The following SKI variants were observed in gnomAD, a reference collection of about 807,000 sequenced individuals.
The protein encoded by SKI is ski oncogene.
Under a neutral mutation model 59.3 loss-of-function variants are expected in SKI, and 23 were observed. The observed-to-expected ratio is 0.39, with a 90% confidence interval of 0.28 to 0.55. The LOEUF (loss-of-function observed/expected upper bound fraction) is 0.55. Among genes scored for constraint, SKI ranks in the 20% least tolerant of loss-of-function variants. The pLI, the probability that SKI is intolerant of heterozygous loss-of-function variation, is 0.67. For synonymous variants in SKI, 673 were observed against 488.6 expected (o/e 1.38, Z -4.98); for missense variants, 1,017 against 1,038.9 (o/e 0.98, Z 0.29).
Position 2,267,767 on chromosome 1 carries a change from A to G in SKI, c.970-35211A>G, listed in dbSNP as rs1639530822. Among the ~76,000 whole-genome samples, 1 of 152,156 alleles carries G rather than the reference A, an allele frequency of 6.6e-6. No homozygotes were observed. The highest frequency in any genetic ancestry group is 2.1e-4 in the South Asian group (1 of 4,828). On this transcript the variant is annotated intron_variant, in intron 1 of 6. Coordinates refer to ENST00000378536, the MANE Select transcript of SKI (RefSeq NM_003036.4). The surrounding 1 kb of genome is among the most constrained non-coding windows in gnomAD (Gnocchi z 4.1). ...GTGAGGCTGATGCATGGGCCTTTCT[A>G]CTTCCAGACTGTCCCAGGACACGGG...
intron 1 of SKI, among the ~76,000 whole-genome samples, chr1:2,251,952 A>T (rs1373420093): frequency 6.6e-6 from 1 of 152,004 alleles, no homozygotes; most frequent in Non-Finnish European, 1.5e-5. Context: ...CCCAGCTGTC[A>T]TGTCCGTTGA....
intron 1 of SKI, among the ~76,000 whole-genome samples, chr1:2,275,351 C>T (rs994976224): frequency 8.5e-5 from 13 of 152,132 alleles, no homozygotes; most frequent in East Asian, 1.9e-4. Flanking sequence ...GTGGCTCCGC[C>T]GTCAGGGAGC....
rs1272464239 is a variant in SKI at position 2,293,922 on chromosome 1, T to C, written c.970-9056T>C. Among the ~76,000 whole-genome samples, 6 of 152,300 alleles carry C rather than the reference T, an allele frequency of 3.9e-5. No homozygotes were observed. The East Asian group carries it at 1.2e-3, about 29-fold the overall frequency. On this transcript the variant is annotated intron_variant, in intron 1 of 6. Coordinates refer to ENST00000378536, the MANE Select transcript of SKI (RefSeq NM_003036.4). ...GCAGGCGGTGGTCACCGCGCCACCA[T>C]GGGGGTCCAGGCAGCAGGATGGTCA...
At chr1:2,237,754 C>G (rs1638782990) in intron 1 of SKI, among the ~76,000 whole-genome samples, 1 of 152,262 alleles carries the variant, frequency 6.6e-6, no homozygotes, top group Non-Finnish European at 1.5e-5. Context: ...AGGCTGGGTC[C>G]TTCTTGCCCT....
chr1:2,286,794 G>A (rs989788233), intron 1 of SKI, among the ~76,000 whole-genome samples: 1 of 152,200 alleles, frequency 6.6e-6, no homozygotes, highest in Non-Finnish European at 1.5e-5. Flanking sequence ...GACTGGGTGG[G>A]ACCAACGCGA....
rs1640710215 is a variant in SKI, at chr1:2,309,978, TAAC to T, written c.*3215_*3217del. On this transcript the variant is annotated 3_prime_UTR_variant, in exon 7 of 7. Transcript: ENST00000378536. ...AAGGAAAAAGCTCCATCTCTACCTT[TAAC>T]ATCACCCAGACCCCCGCCCCTGCCC... is the stretch of plus-strand genomic sequence containing the variant. The T allele has an allele frequency of 6.9e-6, 1 of 145,944 alleles. No individual in the cohort carries two copies. Among genetic ancestry groups the T allele is most frequent in the Admixed American group, 6.9e-5 (1 of 14,550 alleles). 9.0% of individuals were successfully genotyped at this position (145,944 alleles called of 1,614,324 possible). A position where few individuals can be genotyped will look rare whatever the true frequency, so the allele number is the denominator to read the frequency against.
At chr1:2,265,164 C>T (rs573605642) in intron 1 of SKI, among the ~76,000 whole-genome samples, 9 of 152,278 alleles carry the variant, frequency 5.9e-5, no homozygotes, top group African/African-American at 2.2e-4. Context: ...AGCCACTTTG[C>T]TGTGGTTTCC....
chr1:2,304,405 G>A lies in SKI; in HGVS notation c.1587G>A (p.Ala529=), dbSNP rs542301067. 1.7e-5 allele frequency: 26 copies of A among 1,553,120 alleles called. No individual in the cohort carries two copies. The South Asian group carries it at 2.5e-4, about 15-fold the overall frequency. The change falls in exon 5 of 7, where the codon GCG becomes GCA. Residue 529 remains alanine, a synonymous_variant. Transcript: ENST00000378536. ...RALPSAVPDA[A]APADAPSGLE... is the part of the protein sequence containing the mutation. ...TGCCCTCGGCCGTCCCTGATGCTGC[G>A]GCCCCTGCCGACGCCCCCAGTGGGC...
Position 2,229,280 on chromosome 1 carries a change from C to A in SKI, c.514C>A (p.Pro172Thr). Reference sequence around the variant, plus strand: ...CATGGGCATCCTGCCCTTCTCGGCGCCCTCGTGCGGGCTCATCACCAAGAC... The same window carrying A: ...CATGGGCATCCTGCCCTTCTCGGCGACCTCGTGCGGGCTCATCACCAAGAC... ...KVMGILPFSA[P>T]SCGLITKTDA... Residue 172 changes from proline to threonine, a missense_variant, in exon 1 of 7, where the codon CCC becomes ACC. By Grantham distance (38) the Pro-to-Thr change is conservative (BLOSUM62 -1). Coordinates refer to ENST00000378536, the MANE Select transcript of SKI (RefSeq NM_003036.4). The surrounding 1 kb of genome is among the most constrained non-coding windows in gnomAD (Gnocchi z 6.3). 6.3e-7 allele frequency: 1 copy of A among 1,596,412 alleles called. No homozygotes were observed. The highest frequency in any genetic ancestry group is 1.3e-5 in the African/African-American group (1 of 74,664).
intron 1 of SKI, among the ~76,000 whole-genome samples, chr1:2,263,052 G>C (rs938230102): frequency 6.6e-6 from 1 of 151,304 alleles, no homozygotes; most frequent in Non-Finnish European, 1.5e-5. Context: ...GGTGTCCACC[G>C]CCACACCCAG....
chr1:2,308,699 G>A lies in SKI; in HGVS notation c.*1934G>A, dbSNP rs777469710. On this transcript the variant is annotated 3_prime_UTR_variant, in exon 7 of 7. Coordinates refer to ENST00000378536, the MANE Select transcript of SKI (RefSeq NM_003036.4). Reference sequence around the variant, plus strand: ...GCGTGCTTCTGTGTGGCTGTCCTGTGTCGCCAGGTCGAAGATCACAGTGAG... The same window carrying A: ...GCGTGCTTCTGTGTGGCTGTCCTGTATCGCCAGGTCGAAGATCACAGTGAG... 2.6e-5 allele frequency: 4 copies of A among 151,858 alleles called. No homozygotes were observed. Among genetic ancestry groups the A allele is most frequent in the African/African-American group, 4.8e-5 (2 of 41,360 alleles). The allele number at this position is 151,858 out of a possible 1,614,324, so 9.4% of individuals were successfully genotyped here.
chr1:2,261,663 G>A lies in SKI; in HGVS notation c.969+31928G>A, dbSNP rs112555453. Among the ~76,000 whole-genome samples, 10 of 152,372 alleles carry A rather than the reference G, an allele frequency of 6.6e-5. 1 individual carries two copies. Among genetic ancestry groups the A allele is most frequent in the African/African-American group, 2.4e-4 (10 of 41,590 alleles). ...TTGTAGTTGCCATTGGGTTTTCTGT[G>A]TAGATGATCATGTCGTCTGCAGTAA... On this transcript the variant is annotated intron_variant, in intron 1 of 6. Coordinates refer to ENST00000378536, the MANE Select transcript of SKI (RefSeq NM_003036.4).
intron 1 of SKI, among the ~76,000 whole-genome samples, chr1:2,249,718 G>A (rs946898622): frequency 6.6e-6 from 1 of 152,190 alleles, no homozygotes; most frequent in African/African-American, 2.4e-5. Context: ...CACTGGCCGC[G>A]GCCTCATGGG....
intron 1 of SKI, chr1:2,247,878 A>T (rs1639032991): frequency 6.6e-6 from 1 of 152,370 alleles, no homozygotes; most frequent in Admixed American, 6.5e-5. Context: ...TGGATGCGCC[A>T]TTGCCAACGC....
intron 1 of SKI, among the ~76,000 whole-genome samples, chr1:2,248,377 C>T (rs989089506): frequency 1.2e-4 from 18 of 152,240 alleles, no homozygotes; most frequent in Admixed American, 1.0e-3. Flanking sequence ...TGGTGACCCG[C>T]TCTGCTCTTT....
Position 2,228,927 on chromosome 1 carries a change from A to G in SKI, c.161A>G (p.Glu54Gly). The change falls in exon 1 of 7, where the codon GAG (glutamate) becomes GGG (glycine). Residue 54 changes from glutamate (E) to glycine (G), a missense_variant. Physicochemically the swap from Glu to Gly is moderately conservative, Grantham distance 98 (BLOSUM62 -2). Transcript: ENST00000378536. Reference protein sequence around the residue: ...QEAYKKESAKEAGAAAVPAPV... With the variant: ...QEAYKKESAKGAGAAAVPAPV... ...GCCTACAAGAAGGAGAGCGCCAAGGAGGCGGGCGCGGCCGCGGTGCCGGCG... is the reference window on the plus strand; with the variant it reads ...GCCTACAAGAAGGAGAGCGCCAAGGGGGCGGGCGCGGCCGCGGTGCCGGCG... 1.4e-6 allele frequency: 2 copies of G among 1,384,964 alleles called. No homozygotes were observed. The highest frequency in any genetic ancestry group is 1.9e-6 in the Non-Finnish European group (2 of 1,064,588). The allele number at this position is 1,384,964 out of a possible 1,614,324, so 85.8% of individuals were successfully genotyped here.
chr1:2,270,786 C>G lies in SKI; in HGVS notation c.970-32192C>G, dbSNP rs532652497. Among the ~76,000 whole-genome samples, 7 of 152,190 alleles carry G rather than the reference C, an allele frequency of 4.6e-5. No individual in the cohort carries two copies. Among genetic ancestry groups the G allele is most frequent in the African/African-American group, 1.7e-4 (7 of 41,444 alleles). ...TGGGGGCGAGGGCAGGGCTGTTTGG[C>G]TGTTGGACATCCTTGCTGTCCCTTT... On this transcript the variant is annotated intron_variant, in intron 1 of 6. Coordinates refer to ENST00000378536, the MANE Select transcript of SKI (RefSeq NM_003036.4). The surrounding 1 kb of genome is among the most constrained non-coding windows in gnomAD (Gnocchi z 4.1).
At chr1:2,246,658 C>T (rs1011965663) in intron 1 of SKI, among the ~76,000 whole-genome samples, 5 of 152,086 alleles carry the variant, frequency 3.3e-5, no homozygotes, top group Admixed American at 6.6e-5. Context: ...GGGGCTCTGC[C>T]GGGACTGGTG....
intron 1 of SKI, among the ~76,000 whole-genome samples, chr1:2,237,685 T>A (rs1638781658): frequency 6.6e-6 from 1 of 152,248 alleles, no homozygotes; most frequent in Non-Finnish European, 1.5e-5. Context: ...ATGGAGCAGA[T>A]GTATCTTTGC....
Sources: gnomAD v4.1 joint callset for allele counts (sites outside exome capture counted in the v4.1 genomes callset) on GRCh38, gnomAD v4.1.1 for gene constraint, Gnocchi (gnomAD v3.1) non-coding constraint, MANE v1.5 for transcripts, NCBI Gene and HGNC (gene_info 2026-07-23, HGNC 2026-07-21) for gene names.